Variants in GLMN observed in about 807,000 individuals in gnomAD.
GLMN encodes glomulin, FKBP associated protein.
GLMN carries 75 observed loss-of-function variants against 87.8 expected under a neutral mutation model. The observed-to-expected ratio is 0.85, with a 90% CI of 0.71 to 1.04. The LOEUF is 1.04. Ranked by LOEUF, GLMN falls within the 50% of genes least tolerant of loss-of-function variation. The probability of loss-of-function intolerance (pLI) is 0.00; values close to 1 mark genes in which losing one functional copy is unlikely to be tolerated. For synonymous variants in GLMN, 206 were observed against 221.6 expected, an observed-to-expected ratio of 0.93 and a Z score of 0.63; for missense variants, 588 against 658.8, an observed-to-expected ratio of 0.89 and a Z score of 1.18.
the GLMN span, among the ~76,000 whole-genome samples, chr1:92,331,738 T>C: frequency 6.6e-6 from 1 of 152,166 alleles, no homozygotes; most frequent in South Asian, 2.1e-4. Context: ...TACTCTTTCA[T>C]TGTTTTTCAT....
chr1:92,317,648 T>C, the GLMN span, among the ~76,000 whole-genome samples: 2 of 152,202 alleles, frequency 1.3e-5, no homozygotes, highest in East Asian at 1.9e-4. Flanking sequence ...AGTGTAAATA[T>C]ACTTCATGCT....
intron 16 of GLMN, among the ~76,000 whole-genome samples, chr1:92,252,271 C>T (rs909231230): frequency 3.3e-5 from 5 of 152,088 alleles, no homozygotes; most frequent in African/African-American, 7.2e-5. Context: ...ACTGGCCCAG[C>T]GCAGTAGCTC....
the GLMN span, among the ~76,000 whole-genome samples, chr1:92,360,249 C>T: frequency 5.9e-5 from 9 of 152,122 alleles, no homozygotes; most frequent in African/African-American, 2.2e-4. Context: ...GTCTGCTAAA[C>T]GAAAATGAGA....
chr1:92,275,797 C>A (rs1180834642), intron 7 of GLMN, among the ~76,000 whole-genome samples: 1 of 152,190 alleles, frequency 6.6e-6, no homozygotes, highest in Non-Finnish European at 1.5e-5. Context: ...CTCTACTACA[C>A]CAGTTTCTGT....
At chr1:92,342,048 A>C in the GLMN span, among the ~76,000 whole-genome samples, 4 of 152,358 alleles carry the variant, frequency 2.6e-5, no homozygotes, top group South Asian at 8.3e-4. Flanking sequence ...TGCTACAGGT[A>C]CATCAGTGAA....
intron 9 of GLMN, among the ~76,000 whole-genome samples, chr1:92,268,915 C>CTTTTTTTTT (rs10706669): frequency 8.3e-6 from 1 of 120,478 alleles, no homozygotes; most frequent in Non-Finnish European, 1.8e-5. Flanking sequence ...CTGTAATTTC[C>CTTTTTTTTT]TTTTTTTTTT....
At chr1:92,324,853 A>G in the GLMN span, among the ~76,000 whole-genome samples, 1 of 152,206 alleles carries the variant, frequency 6.6e-6, no homozygotes, top group Non-Finnish European at 1.5e-5. Context: ...AAAGAGACTT[A>G]TTGGGAAATA....
rs570060968 is a variant in GLMN at position 92,285,602 on chromosome 1, T to TTA, written c.735+886_735+887dup. Among the ~76,000 whole-genome samples the TTA allele has an allele frequency of 5.5e-4, 83 of 152,292 alleles. 3 individuals carry two copies. The South Asian group carries it at 0.016, about 30-fold the overall frequency. On this transcript the variant is annotated intron_variant, in intron 7 of 18. Transcript: ENST00000370360. ...ACGTTGTGCACATGTACCCTAGAAC[T>TTA]TAAAGTATAATTGAAAAAGAAATCA...
At position 92,290,268 on chromosome 1, in the gene GLMN, T is replaced by C. The variant is rs748890099; in HGVS notation, c.324A>G (p.Glu108=). Residue 108 remains glutamate (E), a synonymous_variant, in exon 5 of 19, where the codon GAA becomes GAG. Coordinates refer to ENST00000370360, the MANE Select transcript of GLMN (RefSeq NM_053274.3). The stretch of plus-strand genomic sequence containing the variant: ...GTTTTCCAGAGGGCTCTTCAATCAG[T>C]TCAAGCAAACCCAACAATAATTCCT... ...NPKELLLGLL[E]LIEEPSGKQI... The C allele has an allele frequency of 1.2e-6, 2 of 1,608,824 alleles. No individual in the cohort carries two copies. The highest frequency in any genetic ancestry group is 1.1e-5 in the South Asian group (1 of 90,984).
intron 7 of GLMN, among the ~76,000 whole-genome samples, chr1:92,274,138 G>A (rs1022782649): frequency 7.2e-5 from 11 of 152,128 alleles, no homozygotes; most frequent in African/African-American, 2.7e-4. Context: ...CTTCTAGACT[G>A]CTACGTGCAT....
chr1:92,317,968 G>A, the GLMN span, among the ~76,000 whole-genome samples: 297 of 152,140 alleles, frequency 2.0e-3, 2 homozygotes, highest in Non-Finnish European at 3.6e-3. Flanking sequence ...AGAGCTTCCC[G>A]TCTCTGACCA....
At chr1:92,264,389 G>C (rs1014517693) in intron 14 of GLMN, among the ~76,000 whole-genome samples, 165 bp downstream of exon 14, 1 of 151,038 alleles carries the variant, frequency 6.6e-6, no homozygotes, top group Admixed American at 6.6e-5. Flanking sequence ...TCCAAATTCA[G>C]AGTTTTTAAA....
chr1:92,269,319 C>T (rs1156723225), intron 9 of GLMN, among the ~76,000 whole-genome samples: 1 of 151,912 alleles, frequency 6.6e-6, no homozygotes, highest in Non-Finnish European at 1.5e-5. Flanking sequence ...GTCAAGACAC[C>T]TCCTTCCTTT....
chr1:92,365,586 C>T, the GLMN span, among the ~76,000 whole-genome samples: 1 of 152,214 alleles, frequency 6.6e-6, no homozygotes, highest in South Asian at 2.1e-4. Context: ...GCTGCATATA[C>T]CAGGATTTGC....
the GLMN span, among the ~76,000 whole-genome samples, chr1:92,342,240 AG>A: frequency 6.6e-6 from 1 of 152,228 alleles, no homozygotes; most frequent in East Asian, 1.9e-4. Context: ...AAGACCCGAA[AG>A]GAGGTAAGGG....
At chr1:92,280,135 C>T (rs554884874) in intron 7 of GLMN, among the ~76,000 whole-genome samples, 2 of 152,328 alleles carry the variant, frequency 1.3e-5, no homozygotes, top group Non-Finnish European at 2.9e-5. Flanking sequence ...ATTCGAGCTC[C>T]GATAATAGAC....
the GLMN span, among the ~76,000 whole-genome samples, chr1:92,330,868 A>G: frequency 3.2e-3 from 490 of 152,320 alleles, 1 homozygote; most frequent in Non-Finnish European, 5.5e-3. Flanking sequence ...CAGCGTCAAC[A>G]TCATCTAGAA....
At chr1:92,278,073 G>A (rs1373314911) in intron 7 of GLMN, among the ~76,000 whole-genome samples, 3 of 152,118 alleles carry the variant, frequency 2.0e-5, no homozygotes, top group South Asian at 2.1e-4. Context: ...ATTGGTGTCC[G>A]TTGTACAACT....
At chr1:92,250,132 T>C (rs1653269914) in intron 16 of GLMN, among the ~76,000 whole-genome samples, 1 of 152,046 alleles carries the variant, frequency 6.6e-6, no homozygotes, top group Admixed American at 6.6e-5. Flanking sequence ...ATAAAGAGTA[T>C]AGGGAAAACA....
Sources: allele counts gnomAD v4.1 joint callset (sites outside exome capture counted in the v4.1 genomes callset), GRCh38; gene constraint gnomAD v4.1.1; transcripts MANE v1.5; gene names NCBI Gene and HGNC (gene_info 2026-07-23, HGNC 2026-07-21).